Variants in TET1 observed in about 807,000 individuals in gnomAD.
TET1 encodes tet methylcytosine dioxygenase 1.
Under a neutral mutation model 148.7 loss-of-function variants are expected in TET1, and 13 were observed. The observed-to-expected ratio is 0.09, with a 90% CI of 0.06 to 0.14. TET1 has a LOEUF of 0.14. Among genes scored for constraint, TET1 ranks in the 10% least tolerant of loss-of-function variants. TET1 has a pLI of 1.00. For missense variants in TET1, 2,182 were observed against 2,553.8 expected (o/e 0.85, Z 3.14); for synonymous variants, 907 against 937.2 (o/e 0.97, Z 0.59).
intron 4 of TET1, among the ~76,000 whole-genome samples, chr10:68,647,724 G>A (rs991753230): frequency 6.6e-6 from 1 of 152,124 alleles, no homozygotes. Context: ...TGAGATAGAA[G>A]ATACATATAG....
In TET1 at chr10:68,644,183, A is replaced by G. The variant is rs181336777; in HGVS notation, c.1969-515A>G. Among the ~76,000 whole-genome samples, 252 of 150,952 alleles carry G rather than the reference A, an allele frequency of 1.7e-3. 1 individual carries two copies. The highest frequency in any genetic ancestry group is 3.2e-3 in the East Asian group (16 of 5,034). ...CTCCCAAAGTGCTAGGATTACAGGC[A>G]TGAGCCACCACCCCTGGCCTTTGAT... On this transcript the variant is annotated intron_variant, in intron 3 of 11. Transcript: ENST00000373644.
intron 11 of TET1, among the ~76,000 whole-genome samples, chr10:68,687,330 T>C (rs2055528729): frequency 6.7e-6 from 1 of 149,948 alleles, no homozygotes; most frequent in Non-Finnish European, 1.5e-5. Context: ...TCCTCCAGAG[T>C]AGCTGGAACT....
intron 8 of TET1, chr10:68,674,689 C>A: frequency 2.1e-6 from 1 of 465,540 alleles, no homozygotes; most frequent in South Asian, 1.7e-5. Context: ...AAGGTCATGT[C>A]AATATCAAGA....
chr10:68,692,343 T>TC lies in TET1; in HGVS notation c.*530dup, dbSNP rs1238456989. On this transcript the variant is annotated 3_prime_UTR_variant, in exon 12 of 12. Coordinates refer to ENST00000373644, the MANE Select transcript of TET1 (RefSeq NM_030625.3). ...TTTGAAATAAACTTATGAAATGTTTTCTCTCTTAAAATATTTCTCCTGTGT... is the reference window on the plus strand; with the variant it reads ...TTTGAAATAAACTTATGAAATGTTTTCCTCTCTTAAAATATTTCTCCTGTGT... 1.7e-5 allele frequency: 4 copies of TC among 232,354 alleles called. No individual in the cohort carries two copies. The highest frequency in any genetic ancestry group is 3.4e-5 in the Non-Finnish European group (4 of 117,390). 14.4% of individuals were successfully genotyped at this position (232,354 alleles called of 1,614,324 possible). A position where few individuals can be genotyped will look rare whatever the true frequency, so the allele number is the denominator to read the frequency against.
intron 3 of TET1, among the ~76,000 whole-genome samples, chr10:68,630,040 CT>C (rs569186991): frequency 6.6e-6 from 1 of 152,052 alleles, no homozygotes; most frequent in African/African-American, 2.4e-5. Context: ...AATCTGGTAT[CT>C]TTTTTTATTT....
intron 3 of TET1, among the ~76,000 whole-genome samples, chr10:68,629,096 G>A (rs1476457005): frequency 1.3e-5 from 2 of 152,148 alleles, no homozygotes; most frequent in Non-Finnish European, 2.9e-5. Flanking sequence ...CGGGCGCGGT[G>A]GCTCATGCCT....
chr10:68,616,027 T>C (rs1481700618), intron 3 of TET1, among the ~76,000 whole-genome samples: 1 of 152,180 alleles, frequency 6.6e-6, no homozygotes, highest in Non-Finnish European at 1.5e-5. Flanking sequence ...ATCATCAAAT[T>C]AAGGAAATGA....
chr10:68,629,783 A>ACCTC (rs1234226420), intron 3 of TET1, among the ~76,000 whole-genome samples: 2 of 152,170 alleles, frequency 1.3e-5, no homozygotes, highest in East Asian at 3.9e-4. Flanking sequence ...TGATCCACCC[A>ACCTC]ATTTGGCCTC....
At chr10:68,612,171 C>A (rs1212342469) in intron 3 of TET1, among the ~76,000 whole-genome samples, 1 of 151,800 alleles carries the variant, frequency 6.6e-6, no homozygotes, top group East Asian at 1.9e-4. Context: ...CTCACTGCAA[C>A]CTCCGCCTCC....
At chr10:68,583,332 G>A (rs576246010) in intron 2 of TET1, among the ~76,000 whole-genome samples, 4 of 152,218 alleles carry the variant, frequency 2.6e-5, no homozygotes, top group African/African-American at 9.6e-5. Context: ...GTTACCAGGA[G>A]GGGTAGGAGA....
chr10:68,647,598 T>C (rs1362007820), intron 4 of TET1, among the ~76,000 whole-genome samples: 1 of 147,594 alleles, frequency 6.8e-6, no homozygotes, highest in African/African-American at 2.6e-5. Context: ...AGCAAGACCC[T>C]GTCTTAAAAA....
In TET1 at chr10:68,646,108, C is replaced by G; in HGVS notation, c.3379C>G (p.Pro1127Ala). ...NQEKGTIQQK[P>A]PSSVHNNHGS... Reference sequence around the variant, plus strand: ...GGAGAAGGGCACAATACAACAGAAACCACCTTCAAGTGTACACAATAATCA... The same window carrying G: ...GGAGAAGGGCACAATACAACAGAAAGCACCTTCAAGTGTACACAATAATCA... Residue 1127 changes from proline (P) to alanine (A), a missense_variant, in exon 4 of 12, where the codon CCA becomes GCA. Physicochemically the swap from Pro to Ala is conservative, Grantham distance 27. Transcript: ENST00000373644. 2 of 1,613,962 alleles carry G rather than the reference C, an allele frequency of 1.2e-6. No homozygotes were observed. Among genetic ancestry groups the G allele is most frequent in the Non-Finnish European group, 1.7e-6 (2 of 1,179,978 alleles).
In TET1 at chr10:68,691,894, G is replaced by C; in HGVS notation, c.*80G>C. On this transcript the variant is annotated 3_prime_UTR_variant, in exon 12 of 12. Coordinates refer to ENST00000373644, the MANE Select transcript of TET1 (RefSeq NM_030625.3). The surrounding 1 kb of genome is among the most constrained non-coding windows in gnomAD (Gnocchi z 4.4). The stretch of plus-strand genomic sequence containing the variant: ...GCTGTTAAAAGAAAGTCATGTTGTC[G>C]TTTACTATCTTCATCTCACCCATTT... 1 of 1,465,690 alleles carries C rather than the reference G, an allele frequency of 6.8e-7. No homozygotes were observed. The highest frequency in any genetic ancestry group is 9.1e-7 in the Non-Finnish European group (1 of 1,093,810). The allele number at this position is 1,465,690 out of a possible 1,614,324, so 90.8% of individuals were successfully genotyped here.
Position 68,562,877 on chromosome 10 carries a change from T to G in TET1, c.-123+2135T>G, listed in dbSNP as rs542061804. Among the ~76,000 whole-genome samples the G allele has an allele frequency of 1.5e-3, 221 of 152,294 alleles. 1 individual carries two copies. Among genetic ancestry groups the G allele is most frequent in the Non-Finnish European group, 2.7e-3 (186 of 68,030 alleles). ...TAGTTTTCGGCCTTTTGATCCCAGT[T>G]GCCTTTTTATGTTCTAGCTTTATTA... On this transcript the variant is annotated intron_variant, in intron 1 of 11. Coordinates refer to ENST00000373644, the MANE Select transcript of TET1 (RefSeq NM_030625.3).
At chr10:68,622,593 C>T (rs1277254770) in intron 3 of TET1, among the ~76,000 whole-genome samples, 3 of 151,952 alleles carry the variant, frequency 2.0e-5, no homozygotes, top group African/African-American at 4.8e-5. Context: ...GTCATTTCTC[C>T]TTGATCTCCA....
At chr10:68,668,976 G>GGAGA (rs56945020) in intron 7 of TET1, among the ~76,000 whole-genome samples, 45,072 of 148,450 alleles carry the variant, frequency 0.3, 7,747 homozygotes, top group Non-Finnish European at 0.4. Flanking sequence ...CATGGCAAAA[G>GGAGA]GAGAGAGAGA....
chr10:68,686,692 T>C lies in TET1; in HGVS notation c.5389T>C (p.Ser1797Pro). 1 of 1,613,238 alleles carries C rather than the reference T, an allele frequency of 6.2e-7. No homozygotes were observed. The highest frequency in any genetic ancestry group is 8.5e-7 in the Non-Finnish European group (1 of 1,179,478). Residue 1797 changes from serine (S) to proline (P), a missense_variant, in exon 11 of 12, where the codon TCA (serine) becomes CCA (proline). Ser to Pro is a moderately conservative substitution (Grantham distance 74). Around this residue, in one of 11 missense-constraint regions of TET1, gnomAD observed 380 missense variants for 387.9 expected, o/e 0.98. Transcript: ENST00000373644. ...AACAACAAACAACAGTAAGCCTTCG[T>C]CACTGCCAACCTTAGGTGAGCCCTA... The part of the protein sequence containing the change: ...STTTNNSKPS[S>P]LPTLGSNTET...
intron 2 of TET1, among the ~76,000 whole-genome samples, chr10:68,580,911 A>G (rs1590166794): frequency 6.6e-6 from 1 of 151,752 alleles, no homozygotes; most frequent in African/African-American, 2.4e-5. Context: ...TTGAGGCTGC[A>G]GTGAGCTGTG....
At chr10:68,664,052 T>C (rs185199720) in intron 6 of TET1, among the ~76,000 whole-genome samples, 3 of 152,112 alleles carry the variant, frequency 2.0e-5, no homozygotes, top group Non-Finnish European at 2.9e-5. Context: ...CAGGCTGTAG[T>C]GCAGTGTTGC....
Sources: gnomAD v4.1 joint callset for allele counts (sites outside exome capture counted in the v4.1 genomes callset) on GRCh38, gnomAD v4.1.1 for gene constraint, gnomAD v4.1.1 regional missense constraint, Gnocchi (gnomAD v3.1) non-coding constraint, MANE v1.5 for transcripts, NCBI Gene and HGNC (gene_info 2026-07-23, HGNC 2026-07-21) for gene names.